RBL1: variants seen among roughly 807,000 people sequenced by gnomAD.
The protein encoded by RBL1 is RB transcriptional corepressor like 1.
In RBL1, 82 loss-of-function variants were observed where a neutral mutation model predicts 123.0. The ratio of observed to expected loss-of-function variants is 0.67; its 90% CI spans 0.56 to 0.80. The LOEUF is 0.80. Ranked by LOEUF, RBL1 falls within the 30% of genes least tolerant of loss-of-function variation. RBL1 has a pLI of 0.00. For missense variants in RBL1, 1,171 were observed against 1,299.6 expected (o/e 0.90, Z 1.52); for synonymous variants, 405 against 441.3 (o/e 0.92, Z 1.03).
Position 37,093,645 on chromosome 20 carries a change from A to AT in RBL1, c.156+2127dup, listed in dbSNP as rs56745650. Among the ~76,000 whole-genome samples the AT allele has an allele frequency of 8.6e-3, 1,175 of 136,256 alleles. 8 individuals carry two copies. Among genetic ancestry groups the AT allele is most frequent in the African/African-American group, 0.021 (793 of 36,970 alleles). 89.4% of individuals were successfully genotyped at this position (136,256 alleles called of 152,430 possible). ...AAAGAGCAAGACCCTGTTTCTTTCC[A>AT]TTTTTTTTTTTTTTTTGAGATGGAG... On this transcript the variant is annotated intron_variant, in intron 1 of 21. Transcript: ENST00000373664.
chr20:37,088,820 G>C (rs2146335988), intron 2 of RBL1, among the ~76,000 whole-genome samples, 169 bp downstream of exon 2: 1 of 152,016 alleles, frequency 6.6e-6, no homozygotes, highest in South Asian at 2.1e-4. Context: ...CCAAGACTGT[G>C]CCACTGCACT....
At chr20:37,020,077 A>G (rs2064315706) in intron 18 of RBL1, among the ~76,000 whole-genome samples, 1 of 150,138 alleles carries the variant, frequency 6.7e-6, no homozygotes, top group East Asian at 2.0e-4. Context: ...TATTATTATT[A>G]TTATACATAA....
At chr20:37,014,933 GGTGCCT>G (rs1023397432) in intron 19 of RBL1, among the ~76,000 whole-genome samples, 3 of 151,834 alleles carry the variant, frequency 2.0e-5, no homozygotes, top group Non-Finnish European at 4.4e-5. Flanking sequence ...CCTGGTGGCA[GGTGCCT>G]GTAATCCCAG....
At chr20:37,011,574 A>G (rs1186395057) in intron 19 of RBL1, among the ~76,000 whole-genome samples, 3 of 151,576 alleles carry the variant, frequency 2.0e-5, no homozygotes, top group Non-Finnish European at 2.9e-5. Flanking sequence ...GGCAGGGATT[A>G]CAAGTGCTTA....
At chr20:37,061,017 G>C in intron 9 of RBL1, 86 bp downstream of exon 9, 1 of 1,345,068 alleles carries the variant, frequency 7.4e-7, no homozygotes, top group Non-Finnish European at 9.8e-7. Flanking sequence ...CCACTATCTT[G>C]AGAATTCTGA....
chr20:36,999,323 G>A (rs892665476), intron 21 of RBL1, among the ~76,000 whole-genome samples: 12 of 150,510 alleles, frequency 8.0e-5, no homozygotes, highest in Non-Finnish European at 1.2e-4. Flanking sequence ...CATCACCTGA[G>A]CCTGGGGAGG....
chr20:37,047,548 T>A (rs1275307077), intron 11 of RBL1, among the ~76,000 whole-genome samples: 1 of 152,110 alleles, frequency 6.6e-6, no homozygotes, highest in Non-Finnish European at 1.5e-5. Flanking sequence ...AAATGAAAGG[T>A]AATATGTCAC....
At chr20:37,071,656 A>G (rs1644720734) in intron 2 of RBL1, among the ~76,000 whole-genome samples, 1 of 152,174 alleles carries the variant, frequency 6.6e-6, no homozygotes, top group Non-Finnish European at 1.5e-5. Context: ...TCAAAAAAAT[A>G]AAAAAGAAAC....
Position 37,095,810 on chromosome 20 carries a change from T to G in RBL1, c.119A>C (p.Asp40Ala). The G allele has an allele frequency of 6.2e-7, 1 of 1,610,042 alleles. No individual in the cohort carries two copies. Among genetic ancestry groups the G allele is most frequent in the Non-Finnish European group, 8.5e-7 (1 of 1,178,758 alleles). Residue 40 changes from aspartate to alanine, a missense_variant, in exon 1 of 22, where the codon GAC (aspartate) becomes GCC (alanine). Physicochemically the swap from Asp to Ala is moderately radical, Grantham distance 126. Transcript: ENST00000373664. ...LDEGSAAEAL[D>A]DFTAIRGNYS... ...GTTGCCTCGGATGGCAGTAAAGTCG[T>G]CCAGGGCTTCGGCCGCGCTCCCCTC...
intron 19 of RBL1, among the ~76,000 whole-genome samples, chr20:37,015,996 C>T (rs1369785812): frequency 6.8e-6 from 1 of 147,658 alleles, no homozygotes; most frequent in Non-Finnish European, 1.5e-5. Flanking sequence ...TACTGGATTA[C>T]AGGCGTGAGC....
intron 19 of RBL1, among the ~76,000 whole-genome samples, chr20:37,008,761 A>C (rs967805916): frequency 6.6e-6 from 1 of 152,168 alleles, no homozygotes; most frequent in Non-Finnish European, 1.5e-5. Flanking sequence ...TTCAAAAACC[A>C]AACAGCCCCA....
intron 19 of RBL1, among the ~76,000 whole-genome samples, chr20:37,013,197 T>C (rs1401378516): frequency 2.0e-5 from 3 of 152,186 alleles, no homozygotes; most frequent in Admixed American, 2.0e-4. Context: ...GCCGTGTCTG[T>C]GTAGAAAGAG....
chr20:37,083,911 A>AT (rs1256871744), intron 2 of RBL1, among the ~76,000 whole-genome samples: 3,346 of 141,588 alleles, frequency 0.024, 88 homozygotes, highest in East Asian at 0.082. Flanking sequence ...TTTTTAATGG[A>AT]TTTTTTTTTT....
Position 36,998,138 on chromosome 20 carries a change from T to C in RBL1, c.*621A>G, listed in dbSNP as rs1211343066. ...AGAACACAGAAGGAGACATTTATTT[T>C]TAAAAGAGAGCTAAAAAGTTATGGG... On this transcript the variant is annotated 3_prime_UTR_variant, in exon 22 of 22. Transcript: ENST00000373664. 6.6e-6 allele frequency: 1 copy of C among 152,080 alleles called. No homozygotes were observed. Among genetic ancestry groups the C allele is most frequent in the Non-Finnish European group, 1.5e-5 (1 of 68,022 alleles). The allele number at this position is 152,080 out of a possible 1,614,324, so 9.4% of individuals were successfully genotyped here.
intron 2 of RBL1, among the ~76,000 whole-genome samples, chr20:37,083,847 C>G (rs541092735): frequency 3.5e-4 from 53 of 150,644 alleles, no homozygotes; most frequent in African/African-American, 1.2e-3. Flanking sequence ...TTGAGAATAT[C>G]AATCTACATT....
chr20:37,003,654 G>A, intron 21 of RBL1, 48 bp downstream of exon 21: 1 of 1,520,670 alleles, frequency 6.6e-7, no homozygotes, highest in Non-Finnish European at 8.8e-7. Context: ...AGGATTAACA[G>A]TTACTGACTG....
rs1212194157 is a variant in RBL1 at position 37,092,386 on chromosome 20, G to A, written c.157-3264C>T. 2.0e-5 allele frequency among the ~76,000 whole-genome samples: 3 copies of A among 152,074 alleles called. No individual in the cohort carries two copies. The East Asian group carries it at 5.8e-4, about 29-fold the overall frequency. On this transcript the variant is annotated intron_variant, in intron 1 of 21. Coordinates refer to ENST00000373664, the MANE Select transcript of RBL1 (RefSeq NM_002895.5). ...GGGTCTCACTCTGTTGCCCCAGGCT[G>A]GAGTGCAGTGGTACAATCAGGGCCA...
chr20:37,000,662 CCCTA>C, intron 21 of RBL1, among the ~76,000 whole-genome samples: 1 of 132,522 alleles, frequency 7.5e-6, no homozygotes, highest in African/African-American at 2.9e-5. Flanking sequence ...GCCCGGCCGC[CCCTA>C]CTGGGAAGAG....
At chr20:37,047,239 C>T (rs1452449587) in intron 11 of RBL1, 49 bp from the exon 12 acceptor site, 3 of 1,549,070 alleles carry the variant, frequency 1.9e-6, no homozygotes, top group African/African-American at 1.4e-5. Context: ...CAATTTCAGT[C>T]TTTGCCATTC....
Sources: gnomAD v4.1 joint callset for allele counts (sites outside exome capture counted in the v4.1 genomes callset) on GRCh38, gnomAD v4.1.1 for gene constraint, MANE v1.5 for transcripts, NCBI Gene and HGNC (gene_info 2026-07-23, HGNC 2026-07-21) for gene names.